SLC38A1: variants seen among roughly 807,000 people sequenced by gnomAD.
SLC38A1 encodes the protein sodium-coupled neutral amino acid symporter 1.
SLC38A1 carries 18 observed loss-of-function variants against 60.3 expected under a neutral mutation model. The observed-to-expected ratio is 0.30, with a 90% CI of 0.21 to 0.44. The LOEUF (loss-of-function observed/expected upper bound fraction) is 0.44, where lower values mean the gene tolerates loss of function less well. Among genes scored for constraint, SLC38A1 ranks in the 20% least tolerant of loss-of-function variants. The pLI, the probability that SLC38A1 is intolerant of heterozygous loss-of-function variation, is 1.00. For missense variants in SLC38A1, 448 were observed against 587.2 expected (o/e 0.76, Z 2.45); for synonymous variants, 196 against 212.1 (o/e 0.92, Z 0.66).
intron 16 of SLC38A1, among the ~76,000 whole-genome samples, chr12:46,189,587 T>C (rs1308612380): frequency 6.6e-6 from 1 of 152,194 alleles, no homozygotes; most frequent in South Asian, 2.1e-4. Context: ...GAAGGGCTGA[T>C]GAAGGCCATA....
At chr12:46,264,703 G>A (rs1043962245) in intron 1 of SLC38A1, among the ~76,000 whole-genome samples, 1 of 152,058 alleles carries the variant, frequency 6.6e-6, no homozygotes, top group African/African-American at 2.4e-5. Flanking sequence ...TGAGACTTTA[G>A]TGCACTTGTC....
intron 1 of SLC38A1, among the ~76,000 whole-genome samples, chr12:46,248,519 A>G (rs944981729): frequency 1.3e-5 from 2 of 152,232 alleles, no homozygotes; most frequent in African/African-American, 4.8e-5. Context: ...AGGAGCACCC[A>G]GACTCATAAA....
Position 46,188,807 on chromosome 12 carries a change from T to C in SLC38A1, c.*163A>G. On this transcript the variant is annotated 3_prime_UTR_variant, in exon 17 of 17. Transcript: ENST00000398637. Reference sequence around the variant, plus strand: ...AATCTTGGAGGGACATGAAGCATTATAGAACCATGTCTCTGTTTTGCAACC... The same window carrying C: ...AATCTTGGAGGGACATGAAGCATTACAGAACCATGTCTCTGTTTTGCAACC... The C allele has an allele frequency of 1.8e-6, 1 of 565,528 alleles. No homozygotes were observed. The highest frequency in any genetic ancestry group is 2.6e-5 in the South Asian group (1 of 38,510). 35.0% of individuals were successfully genotyped at this position (565,528 alleles called of 1,614,324 possible).
rs1460761334 is a variant in SLC38A1 at position 46,186,460 on chromosome 12, A to C, written c.*2510T>G. ...CCATAGCACTTGACTGTGCTGTTTA[A>C]ATTCGACCTAACATCTGTGATACAT... On this transcript the variant is annotated 3_prime_UTR_variant, in exon 17 of 17. Coordinates refer to ENST00000398637, the MANE Select transcript of SLC38A1 (RefSeq NM_030674.4). 1 of 152,192 alleles carries C rather than the reference A, an allele frequency of 6.6e-6. No homozygotes were observed. The highest frequency in any genetic ancestry group is 2.4e-5 in the African/African-American group (1 of 41,450). The allele number at this position is 152,192 out of a possible 1,614,324, so 9.4% of individuals were successfully genotyped here.
chr12:46,204,668 T>C (rs1292456589), intron 9 of SLC38A1, 78 bp from the exon 10 acceptor site: 7 of 1,085,348 alleles, frequency 6.4e-6, no homozygotes, highest in African/African-American at 1.6e-5. Flanking sequence ...TCATAAACTG[T>C]TATTATTTCA....
In SLC38A1 at chr12:46,183,193, A is replaced by G. The variant is rs1938825787; in HGVS notation, c.*5777T>C. The G allele has an allele frequency of 6.6e-6, 1 of 152,388 alleles. No homozygotes were observed. 9.4% of individuals were successfully genotyped at this position (152,388 alleles called of 1,614,324 possible). On this transcript the variant is annotated 3_prime_UTR_variant, in exon 17 of 17. Transcript: ENST00000398637. ...ACCCAGTTCTATTTGATTAACTATG[A>G]ATAGCAAAGTTTTGTGACTTGTGAC...
rs566406335 is a variant in SLC38A1, at chr12:46,266,153, A to G, written c.-209+2373T>C. On this transcript the variant is annotated intron_variant, in intron 1 of 16. Coordinates refer to ENST00000398637, the MANE Select transcript of SLC38A1 (RefSeq NM_030674.4). ...AACAAGATGGCCTGATCAAGGTCTC[A>G]AGGTCTCGATCCAACAAGTATTTAT... Among the ~76,000 whole-genome samples, 6 of 152,294 alleles carry G rather than the reference A, an allele frequency of 3.9e-5. No individual in the cohort carries two copies. In the South Asian group the frequency reaches 1.2e-3, roughly 32 times the overall value.
At chr12:46,189,252 G>A (rs1939042321) in intron 16 of SLC38A1, among the ~76,000 whole-genome samples, 181 bp from the exon 17 acceptor site, 1 of 150,844 alleles carries the variant, frequency 6.6e-6, no homozygotes, top group Admixed American at 6.6e-5. Context: ...ATTCTGCAAG[G>A]ATGGGAAAAT....
At chr12:46,250,594 A>G (rs990579310) in intron 1 of SLC38A1, among the ~76,000 whole-genome samples, 2 of 152,186 alleles carry the variant, frequency 1.3e-5, no homozygotes, top group Admixed American at 6.5e-5. Flanking sequence ...AAACCCCTTC[A>G]TCTTAGCCCA....
chr12:46,263,371 A>G lies in SLC38A1; in HGVS notation c.-209+5155T>C, dbSNP rs78416527. ...TTCCCTCCAACTAGTGGCAGGAATG[A>G]GCCTGGTCTTTTTATTTTTATGTTT... On this transcript the variant is annotated intron_variant, in intron 1 of 16. Coordinates refer to ENST00000398637, the MANE Select transcript of SLC38A1 (RefSeq NM_030674.4). Among the ~76,000 whole-genome samples, 1,310 of 152,322 alleles carry G rather than the reference A, an allele frequency of 8.6e-3. 27 individuals are homozygous for G. Among genetic ancestry groups the G allele is most frequent in the African/African-American group, 0.03 (1,255 of 41,556 alleles).
intron 16 of SLC38A1, among the ~76,000 whole-genome samples, chr12:46,197,111 G>C (rs1437705500): frequency 2.6e-5 from 4 of 152,146 alleles, no homozygotes; most frequent in Admixed American, 2.6e-4. Flanking sequence ...ACTAGACACT[G>C]TCCTATAGAG....
chr12:46,262,583 T>G (rs1165610959), intron 1 of SLC38A1, among the ~76,000 whole-genome samples: 1 of 152,256 alleles, frequency 6.6e-6, no homozygotes, highest in African/African-American at 2.4e-5. Context: ...ATATGTTTTT[T>G]GTTCTAAAGA....
At chr12:46,207,760 C>T in intron 6 of SLC38A1, 139 bp from the exon 7 acceptor site, 1 of 762,134 alleles carries the variant, frequency 1.3e-6, no homozygotes, top group Non-Finnish European at 2.2e-6. Flanking sequence ...TCATTTTGGC[C>T]TTCAGGGGTT....
In SLC38A1 at chr12:46,260,863, C is replaced by T. The variant is rs143619737; in HGVS notation, c.-209+7663G>A. Among the ~76,000 whole-genome samples the T allele has an allele frequency of 5.3e-3, 801 of 152,278 alleles. 2 individuals carry two copies. The highest frequency in any genetic ancestry group is 8.2e-3 in the Non-Finnish European group (560 of 68,030). ...TCACTCTCCGCCACGCTACCTCCTG[C>T]TTCTTGCCCTCTCCCACCTATAGAG... On this transcript the variant is annotated intron_variant, in intron 1 of 16. Transcript: ENST00000398637.
intron 3 of SLC38A1, among the ~76,000 whole-genome samples, chr12:46,237,590 A>G (rs1466441261): frequency 6.6e-6 from 1 of 151,848 alleles, no homozygotes; most frequent in Non-Finnish European, 1.5e-5. Flanking sequence ...GTTGGAGCCT[A>G]TAGGGAAGTG....
intron 16 of SLC38A1, chr12:46,196,156 G>A: frequency 6.5e-7 from 1 of 1,535,986 alleles, no homozygotes; most frequent in South Asian, 1.2e-5. Flanking sequence ...CCAGAATCCA[G>A]AGAACACAAG....
intron 4 of SLC38A1, 38 bp from the exon 5 acceptor site, chr12:46,229,306 A>G: frequency 2.9e-6 from 4 of 1,397,310 alleles, no homozygotes; most frequent in Non-Finnish European, 3.0e-6. Flanking sequence ...AAGCAAAATA[A>G]TCCCCAAGAA....
intron 16 of SLC38A1, among the ~76,000 whole-genome samples, chr12:46,193,246 G>C (rs1255885724): frequency 6.6e-6 from 1 of 152,204 alleles, no homozygotes; most frequent in Non-Finnish European, 1.5e-5. Flanking sequence ...GTGGTTTTGA[G>C]TGAGTTTCAT....
At chr12:46,193,221 T>C (rs1939219865) in intron 16 of SLC38A1, among the ~76,000 whole-genome samples, 1 of 152,226 alleles carries the variant, frequency 6.6e-6, no homozygotes, top group Non-Finnish European at 1.5e-5. Context: ...GGTTTTTCAG[T>C]TTCCATGTAG....
Sources: allele counts gnomAD v4.1 joint callset (sites outside exome capture counted in the v4.1 genomes callset), GRCh38; gene constraint gnomAD v4.1.1; transcripts MANE v1.5; gene names NCBI Gene and HGNC (gene_info 2026-07-23, HGNC 2026-07-21).